The following INTS6 variants were observed in gnomAD, a reference collection of about 807,000 sequenced individuals.
INTS6 encodes the protein integrator complex subunit 6.
In INTS6, 16 loss-of-function variants were observed where a neutral mutation model predicts 104.9. That is an observed-to-expected ratio of 0.15 (90% CI 0.10 to 0.23). The LOEUF is 0.23. INTS6 is among the 10% of genes least tolerant of loss of function. The probability of loss-of-function intolerance (pLI) is 1.00; values close to 1 mark genes in which losing one functional copy is unlikely to be tolerated. For synonymous variants in INTS6, 324 were observed against 358.7 expected, an observed-to-expected ratio of 0.90 and a Z score of 1.09; for missense variants, 584 against 1,062.8, an observed-to-expected ratio of 0.55 and a Z score of 6.26.
Position 51,365,823 on chromosome 13 carries a change from C to G in INTS6, c.2593G>C (p.Glu865Gln), listed in dbSNP as rs1955674838. 1 of 1,600,422 alleles carries G rather than the reference C, an allele frequency of 6.2e-7. No individual in the cohort carries two copies. The highest frequency in any genetic ancestry group is 1.3e-5 in the African/African-American group (1 of 74,402). ...TCATCCAAGAAGTTCTCCAGTTGTTCTATTAGCATTCGTTTTTTAAACCTG... is the reference window on the plus strand; with the variant it reads ...TCATCCAAGAAGTTCTCCAGTTGTTGTATTAGCATTCGTTTTTTAAACCTG... Reference protein sequence around the residue: ...ASRFKKRMLIEQLENFLDEIH... With the variant: ...ASRFKKRMLIQQLENFLDEIH... The change falls in exon 18 of 18, where the codon GAA becomes CAA. Residue 865 changes from glutamate to glutamine, a missense_variant. Physicochemically the swap from Glu to Gln is conservative, Grantham distance 29. Coordinates refer to ENST00000311234, the MANE Select transcript of INTS6 (RefSeq NM_012141.3).
At chr13:51,396,856 A>G (rs983078879) in intron 4 of INTS6, among the ~76,000 whole-genome samples, 1 of 152,224 alleles carries the variant, frequency 6.6e-6, no homozygotes, top group African/African-American at 2.4e-5. Context: ...AAAAGAGGCA[A>G]AAGCGAAGAT....
At chr13:51,365,991 A>C (rs2137848795) in intron 17 of INTS6, 146 bp from the exon 18 acceptor site, 1 of 507,886 alleles carries the variant, frequency 2.0e-6, no homozygotes, top group East Asian at 3.2e-5. Flanking sequence ...GACAATATAA[A>C]ATATGTTGAA....
At chr13:51,373,868 A>C (rs566895760) in intron 15 of INTS6, among the ~76,000 whole-genome samples, 58 of 152,350 alleles carry the variant, frequency 3.8e-4, no homozygotes, top group African/African-American at 1.3e-3. Context: ...GCATTATCCA[A>C]AATAGCATAC....
At chr13:51,415,067 A>C (rs1956762242) in intron 4 of INTS6, among the ~76,000 whole-genome samples, 1 of 152,144 alleles carries the variant, frequency 6.6e-6, no homozygotes, top group South Asian at 2.1e-4. Flanking sequence ...AGAAACTCAC[A>C]ATTAAAGAAC....
chr13:51,446,932 A>G (rs919411432), intron 3 of INTS6: 3 of 152,190 alleles, frequency 2.0e-5, no homozygotes, highest in Non-Finnish European at 4.4e-5. Flanking sequence ...TTTGCAAGAT[A>G]AAAAAGTTCT....
downstream of INTS6, among the ~76,000 whole-genome samples, chr13:51,351,009 G>A (rs1955397585): frequency 6.6e-6 from 1 of 151,922 alleles, no homozygotes; most frequent in African/African-American, 2.4e-5. Flanking sequence ...ATATTCCATT[G>A]TATTGATATA....
intron 4 of INTS6, among the ~76,000 whole-genome samples, chr13:51,429,785 A>AAAAAAAAAAAATAT (rs1156333077): frequency 5.4e-5 from 5 of 92,378 alleles, no homozygotes; most frequent in Admixed American, 1.4e-4. Context: ...AAAAAAAAAA[A>AAAAAAAAAAAATAT]ATATATATAT....
chr13:51,438,138 T>C (rs1212847036), intron 3 of INTS6: 1 of 152,210 alleles, frequency 6.6e-6, no homozygotes, highest in African/African-American at 2.4e-5. Context: ...TAAGATTTTT[T>C]AGGAGGAAAC....
chr13:51,344,819 T>A, the INTS6 span, among the ~76,000 whole-genome samples: 3 of 152,214 alleles, frequency 2.0e-5, no homozygotes, highest in Non-Finnish European at 2.9e-5. Context: ...GTCCCCCGAC[T>A]GAGCTCTGCT....
At chr13:51,423,005 G>A (rs982769671) in intron 4 of INTS6, 2 of 1,169,934 alleles carry the variant, frequency 1.7e-6, no homozygotes, top group Non-Finnish European at 2.2e-6. Context: ...TTATCTTAAT[G>A]TATTACAAAT....
At chr13:51,404,962 G>A (rs1956533724) in intron 4 of INTS6, among the ~76,000 whole-genome samples, 1 of 152,098 alleles carries the variant, frequency 6.6e-6, no homozygotes, top group Admixed American at 6.5e-5. Flanking sequence ...AAACATGTAA[G>A]TAAACAATTA....
At chr13:51,430,808 TACC>T (rs1250572003) in intron 3 of INTS6, among the ~76,000 whole-genome samples, 3 of 152,168 alleles carry the variant, frequency 2.0e-5, no homozygotes, top group African/African-American at 7.2e-5. Context: ...AGGTGAACAT[TACC>T]ACAAGGTATG....
intron 4 of INTS6, among the ~76,000 whole-genome samples, chr13:51,416,466 A>G (rs1341630119): frequency 6.6e-6 from 1 of 152,208 alleles, no homozygotes; most frequent in Non-Finnish European, 1.5e-5. Flanking sequence ...GACACTTCAT[A>G]TAAATGGAAA....
At chr13:51,350,888 A>G (rs1955396785), downstream of INTS6, among the ~76,000 whole-genome samples, 1 of 152,172 alleles carries the variant, frequency 6.6e-6, no homozygotes, top group Non-Finnish European at 1.5e-5. Context: ...ATACAATTAC[A>G]TATTGTACAA....
At chr13:51,397,372 T>C (rs1956357915) in intron 4 of INTS6, among the ~76,000 whole-genome samples, 1 of 152,200 alleles carries the variant, frequency 6.6e-6, no homozygotes, top group Non-Finnish European at 1.5e-5. Flanking sequence ...TTCATCAAGA[T>C]CAGCCAAGAT....
chr13:51,356,680 C>T (rs1955486597), downstream of INTS6, among the ~76,000 whole-genome samples: 2 of 152,160 alleles, frequency 1.3e-5, no homozygotes, highest in South Asian at 4.1e-4. Flanking sequence ...TAACACACAT[C>T]ATGTAGCTCC....
chr13:51,408,641 C>G (rs1956621578), intron 4 of INTS6, among the ~76,000 whole-genome samples: 1 of 152,096 alleles, frequency 6.6e-6, no homozygotes, highest in African/African-American at 2.4e-5. Flanking sequence ...ATTTGTGAAA[C>G]TAGGTTGTAT....
At chr13:51,391,855 T>C (rs750249718) in intron 5 of INTS6, among the ~76,000 whole-genome samples, 1 of 152,180 alleles carries the variant, frequency 6.6e-6, no homozygotes, top group African/African-American at 2.4e-5. Context: ...ACTTAAAAAA[T>C]TCTTGATATA....
chr13:51,348,876 G>A, the INTS6 span, among the ~76,000 whole-genome samples: 4 of 55,810 alleles, frequency 7.2e-5, no homozygotes, highest in Non-Finnish European at 1.2e-4. Context: ...CTGATCAGAC[G>A]CCAAATTAAG....
Sources: allele counts gnomAD v4.1 joint callset (sites outside exome capture counted in the v4.1 genomes callset), GRCh38; gene constraint gnomAD v4.1.1; transcripts MANE v1.5; gene names NCBI Gene and HGNC (gene_info 2026-07-23, HGNC 2026-07-21).